The following SPATA13 variants were observed in gnomAD, a reference collection of about 807,000 sequenced individuals.
SPATA13 encodes the protein spermatogenesis associated 13.
SPATA13 carries 50 observed loss-of-function variants against 104.0 expected under a neutral mutation model. The observed-to-expected ratio is 0.48, with a 90% CI of 0.38 to 0.61. The LOEUF is 0.61. Ranked by LOEUF, SPATA13 falls within the 20% of genes least tolerant of loss-of-function variation. The pLI is 0.00. For synonymous variants in SPATA13, 606 were observed against 667.5 expected (o/e 0.91, Z 1.42); for missense variants, 1,524 against 1,690.6 (o/e 0.90, Z 1.73).
At chr13:24,046,085 T>G (rs1446374083) in intron 3 of SPATA13, among the ~76,000 whole-genome samples, 1 of 151,856 alleles carries the variant, frequency 6.6e-6, no homozygotes, top group Non-Finnish European at 1.5e-5. Flanking sequence ...ATGCGTTAGA[T>G]TTTTTTTTAA....
intron 3 of SPATA13, among the ~76,000 whole-genome samples, chr13:24,136,250 G>C (rs1376891247): frequency 6.6e-6 from 1 of 152,164 alleles, no homozygotes; most frequent in East Asian, 1.9e-4. Context: ...GGTGAGGTGG[G>C]TGGATCACCT....
At chr13:24,080,513 T>A (rs978337962) in intron 3 of SPATA13, among the ~76,000 whole-genome samples, 1 of 152,170 alleles carries the variant, frequency 6.6e-6, no homozygotes, top group East Asian at 1.9e-4. Context: ...GAAGGGAGGA[T>A]GGGGATCACT....
At chr13:23,992,092 C>T (rs959156083) in intron 2 of SPATA13, among the ~76,000 whole-genome samples, 2 of 152,152 alleles carry the variant, frequency 1.3e-5, no homozygotes, top group Non-Finnish European at 2.9e-5. Flanking sequence ...AATAGTGAGG[C>T]CCATTTGCAG....
At chr13:24,291,660 C>A (rs755564900) in intron 9 of SPATA13, among the ~76,000 whole-genome samples, 13 of 152,212 alleles carry the variant, frequency 8.5e-5, no homozygotes, top group Non-Finnish European at 1.6e-4. Context: ...CTAAGCTCTT[C>A]TTGTTACTCA....
chr13:23,982,578 A>G (rs1458714917), intron 1 of SPATA13, among the ~76,000 whole-genome samples: 1 of 151,964 alleles, frequency 6.6e-6, no homozygotes, highest in Non-Finnish European at 1.5e-5. Context: ...TTTTTTTTTC[A>G]TTAAACTCTA....
upstream of SPATA13, among the ~76,000 whole-genome samples, chr13:24,157,910 G>T (rs78835093): frequency 6.8e-3 from 1,034 of 152,256 alleles, 7 homozygotes; most frequent in African/African-American, 0.023. Context: ...AACTTCATTT[G>T]CCCCATATAT....
intron 2 of SPATA13, among the ~76,000 whole-genome samples, chr13:24,244,055 C>T (rs971704717): frequency 3.9e-5 from 6 of 152,294 alleles, no homozygotes; most frequent in Non-Finnish European, 7.3e-5. Context: ...CTCCAAGGTG[C>T]GAAGGGGGCT....
intron 1 of SPATA13, among the ~76,000 whole-genome samples, chr13:24,216,131 T>A (rs746268107): frequency 1.2e-4 from 18 of 152,146 alleles, no homozygotes; most frequent in Non-Finnish European, 2.4e-4. Context: ...AGGCTGTCAC[T>A]GTGCAGAGGT....
At chr13:24,129,490 GA>G in intron 3 of SPATA13, among the ~76,000 whole-genome samples, 1 of 152,210 alleles carries the variant, frequency 6.6e-6, no homozygotes, top group East Asian at 1.9e-4. Context: ...GAGGAGGGGA[GA>G]GGGTGATTTG....
Position 24,160,940 on chromosome 13 carries a change from G to A in SPATA13, c.-112+8G>A. On this transcript the variant is annotated splice_region_variant and intron_variant, in intron 1 of 12. Transcript: ENST00000382108. ...CAAGAGGCGCCGCAGGAGGTAAGAC[G>A]GCTTCGGGCGCGCGGCTCTGCCGGG... is the stretch of plus-strand genomic sequence containing the variant. The A allele has an allele frequency of 1.0e-6, 1 of 985,898 alleles. No homozygotes were observed. Among genetic ancestry groups the A allele is most frequent in the Non-Finnish European group, 1.2e-6 (1 of 830,340 alleles). 61.1% of individuals were successfully genotyped at this position (985,898 alleles called of 1,614,324 possible). A position where few individuals can be genotyped will look rare whatever the true frequency, so the allele number is the denominator to read the frequency against.
intron 5 of SPATA13, among the ~76,000 whole-genome samples, chr13:24,285,502 C>T (rs1047732019): frequency 5.9e-5 from 9 of 152,084 alleles, no homozygotes; most frequent in African/African-American, 2.2e-4. Context: ...GGCCTGCCTG[C>T]CTGCCTGCCT....
rs554927554 is a variant in SPATA13 at position 24,037,438 on chromosome 13, C to T, written c.-112+19737C>T. ...TATTTATCTATTTGAGATAGAGTCT[C>T]GCTCTGTTGCCCAGGCTGGAGTGCA... On this transcript the variant is annotated intron_variant, in intron 3 of 14. Transcript: ENST00000424834. Among the ~76,000 whole-genome samples, 10 of 152,166 alleles carry T rather than the reference C, an allele frequency of 6.6e-5. No individual in the cohort carries two copies. The East Asian group carries it at 9.7e-4, about 15-fold the overall frequency.
intron 4 of SPATA13, among the ~76,000 whole-genome samples, chr13:24,279,355 A>G (rs920505325): frequency 2.0e-5 from 3 of 152,198 alleles, no homozygotes; most frequent in African/African-American, 7.2e-5. Flanking sequence ...AGAGGTCTCA[A>G]GAACTTTGGC....
intron 1 of SPATA13, among the ~76,000 whole-genome samples, chr13:24,194,065 T>C (rs1869919641): frequency 6.6e-6 from 1 of 152,188 alleles, no homozygotes; most frequent in Non-Finnish European, 1.5e-5. Context: ...CATGGTTCAG[T>C]AGCCGAGTCT....
chr13:24,102,197 T>C (rs906144303), intron 3 of SPATA13, among the ~76,000 whole-genome samples: 5 of 152,198 alleles, frequency 3.3e-5, no homozygotes, highest in African/African-American at 7.2e-5. Flanking sequence ...GTGTATTTCA[T>C]TGTGGTTTTG....
chr13:24,243,341 G>A (rs1231191468), intron 2 of SPATA13, among the ~76,000 whole-genome samples: 2 of 152,058 alleles, frequency 1.3e-5, no homozygotes, highest in Non-Finnish European at 2.9e-5. Context: ...TTACCAGATT[G>A]CCCAGGGCAC....
chr13:24,021,355 C>T (rs1876964965), intron 3 of SPATA13, among the ~76,000 whole-genome samples: 2 of 152,190 alleles, frequency 1.3e-5, no homozygotes, highest in Non-Finnish European at 1.5e-5. Context: ...ATAGGGCAGA[C>T]AGTGAGTTGC....
intron 3 of SPATA13, among the ~76,000 whole-genome samples, chr13:24,139,148 G>T (rs930845529): frequency 1.3e-5 from 2 of 151,876 alleles, no homozygotes; most frequent in African/African-American, 4.8e-5. Context: ...CTGTTCCTGG[G>T]TCTACACACG....
intron 3 of SPATA13, among the ~76,000 whole-genome samples, chr13:24,145,615 A>C (rs947500196): frequency 6.6e-6 from 1 of 152,192 alleles, no homozygotes; most frequent in African/African-American, 2.4e-5. Flanking sequence ...CAAAGCAGGG[A>C]CTGGGGAACT....
Sources: allele counts gnomAD v4.1 joint callset (sites outside exome capture counted in the v4.1 genomes callset), GRCh38; gene constraint gnomAD v4.1.1; transcripts MANE v1.5; gene names NCBI Gene and HGNC (gene_info 2026-07-23, HGNC 2026-07-21).